The following RREB1 variants were observed in gnomAD, a reference collection of about 807,000 sequenced individuals.
RREB1 encodes ras responsive element binding protein 1, also known as ras-responsive element-binding protein 1.
RREB1 carries 27 observed loss-of-function variants against 117.8 expected under a neutral mutation model. The ratio of observed to expected loss-of-function variants is 0.23; its 90% CI spans 0.17 to 0.32. RREB1 has a LOEUF of 0.32. Ranked by LOEUF, RREB1 falls within the 10% of genes least tolerant of loss-of-function variation. The pLI is 1.00. For synonymous variants in RREB1, 1,298 were observed against 1,026.7 expected (o/e 1.26, Z -5.05); for missense variants, 2,577 against 2,378.2 (o/e 1.08, Z -1.74).
chr6:7,225,086 C>G (rs1464527322), intron 8 of RREB1, among the ~76,000 whole-genome samples: 1 of 152,178 alleles, frequency 6.6e-6, no homozygotes, highest in Non-Finnish European at 1.5e-5. Context: ...TGGCTGACTT[C>G]GTTATCTCTT....
chr6:7,170,934 GC>G (rs977006211), intron 1 of RREB1, among the ~76,000 whole-genome samples: 3 of 152,164 alleles, frequency 2.0e-5, no homozygotes, highest in African/African-American at 7.2e-5. Flanking sequence ...TGCTGTGCCA[GC>G]CCCCAGAGGG....
At chr6:7,232,983 C>T (rs1768095700) in intron 10 of RREB1, among the ~76,000 whole-genome samples, 1 of 152,136 alleles carries the variant, frequency 6.6e-6, no homozygotes, top group Admixed American at 6.5e-5. Flanking sequence ...CAACCTCTGC[C>T]TCCCTGGTTC....
At chr6:7,142,563 C>T (rs943225438) in intron 1 of RREB1, among the ~76,000 whole-genome samples, 7 of 152,262 alleles carry the variant, frequency 4.6e-5, no homozygotes, top group Non-Finnish European at 5.9e-5. Flanking sequence ...GCTGAGTGTG[C>T]CCTGCCTTAG....
At chr6:7,207,425 G>A (rs1457101031) in intron 6 of RREB1, among the ~76,000 whole-genome samples, 1 of 152,216 alleles carries the variant, frequency 6.6e-6, no homozygotes, top group Non-Finnish European at 1.5e-5. Flanking sequence ...AGTCTGGAAG[G>A]TGAAAAGATG....
At chr6:7,232,448 C>T (rs957679190) in intron 10 of RREB1, among the ~76,000 whole-genome samples, 1 of 152,210 alleles carries the variant, frequency 6.6e-6, no homozygotes, top group Non-Finnish European at 1.5e-5. Flanking sequence ...TTTCAGTTCA[C>T]TAAGGCAGTC....
Position 7,123,650 on chromosome 6 carries a change from G to A in RREB1, c.-285+15590G>A, listed in dbSNP as rs186788208. Among the ~76,000 whole-genome samples, 596 of 131,908 alleles carry A rather than the reference G, an allele frequency of 4.5e-3. 3 individuals carry two copies. The highest frequency in any genetic ancestry group is 0.015 in the African/African-American group (511 of 35,126). 86.5% of individuals were successfully genotyped at this position (131,908 alleles called of 152,430 possible). Reference sequence around the variant, plus strand: ...TTTTGAGATGGAGTCTTGCTCTGTCGCCCAGGCTGGGGTGCAGTGGCGTGA... The same window carrying A: ...TTTTGAGATGGAGTCTTGCTCTGTCACCCAGGCTGGGGTGCAGTGGCGTGA... On this transcript the variant is annotated intron_variant, in intron 1 of 12. Coordinates refer to ENST00000379938, the MANE Select transcript of RREB1 (RefSeq NM_001003699.4).
At chr6:7,109,790 G>A (rs1761046591) in intron 1 of RREB1, among the ~76,000 whole-genome samples, 1 of 152,170 alleles carries the variant, frequency 6.6e-6, no homozygotes. Context: ...ACACATTCGG[G>A]GCACTTTGGA....
At chr6:7,113,228 C>A (rs923788316) in intron 1 of RREB1, among the ~76,000 whole-genome samples, 3 of 152,148 alleles carry the variant, frequency 2.0e-5, no homozygotes, top group African/African-American at 7.2e-5. Flanking sequence ...AGAATGAAAA[C>A]CCCCACAGGC....
chr6:7,110,116 C>T (rs982795222), intron 1 of RREB1, among the ~76,000 whole-genome samples: 17 of 151,860 alleles, frequency 1.1e-4, no homozygotes, highest in Non-Finnish European at 7.4e-5. Context: ...ATTTTTTTTC[C>T]CCTTTATATA....
chr6:7,109,520 C>T (rs908065247), intron 1 of RREB1, among the ~76,000 whole-genome samples: 27 of 149,006 alleles, frequency 1.8e-4, no homozygotes, highest in African/African-American at 5.8e-4. Flanking sequence ...TCTCTCCGGG[C>T]GGGGCGGGGA....
chr6:7,114,703 G>A (rs1296157402), intron 1 of RREB1, among the ~76,000 whole-genome samples: 1 of 152,228 alleles, frequency 6.6e-6, no homozygotes. Context: ...CATAAAGCAA[G>A]TAAGCTCTTA....
chr6:7,126,310 C>A (rs1055969591), intron 1 of RREB1, among the ~76,000 whole-genome samples: 1 of 150,414 alleles, frequency 6.6e-6, no homozygotes, highest in African/African-American at 2.5e-5. Context: ...TCGATTCCCC[C>A]CCGACCCATT....
intron 10 of RREB1, among the ~76,000 whole-genome samples, chr6:7,236,220 T>A (rs547533432): frequency 1.1e-4 from 16 of 152,290 alleles, no homozygotes; most frequent in African/African-American, 3.9e-4. Flanking sequence ...TCTGTCCTCA[T>A]TTTCTTCCCC....
chr6:7,242,650 C>CG (rs554679835), intron 11 of RREB1, among the ~76,000 whole-genome samples: 37 of 150,246 alleles, frequency 2.5e-4, no homozygotes, highest in African/African-American at 7.1e-4. Flanking sequence ...GTTCCCCCCC[C>CG]CCAGTGAAGT....
chr6:7,186,960 G>A (rs560095235), intron 4 of RREB1, among the ~76,000 whole-genome samples: 155 of 152,292 alleles, frequency 1.0e-3, no homozygotes, highest in Middle Eastern at 3.4e-3. Flanking sequence ...CTCTTTGTAG[G>A]GTGGGCTCTT....
At chr6:7,200,983 C>T (rs553596835) in intron 6 of RREB1, among the ~76,000 whole-genome samples, 19 of 152,242 alleles carry the variant, frequency 1.2e-4, no homozygotes, top group South Asian at 2.1e-4. Flanking sequence ...TCAGTCTTAC[C>T]GGGTAAAACT....
At chr6:7,120,816 T>TA (rs1455194986) in intron 1 of RREB1, among the ~76,000 whole-genome samples, 90 of 142,610 alleles carry the variant, frequency 6.3e-4, no homozygotes, top group African/African-American at 2.3e-3. Context: ...TTGGCTAATT[T>TA]TTTTTTTTTT....
intron 1 of RREB1, among the ~76,000 whole-genome samples, chr6:7,153,381 T>A (rs1181384646): frequency 2.0e-5 from 3 of 149,518 alleles, no homozygotes; most frequent in Non-Finnish European, 4.4e-5. Context: ...TCCTCCCTAC[T>A]CAATTAAAGT....
chr6:7,234,594 GATATAA>G (rs1482977571), intron 10 of RREB1, among the ~76,000 whole-genome samples: 14 of 152,192 alleles, frequency 9.2e-5, no homozygotes, highest in African/African-American at 1.9e-4. Flanking sequence ...GGATGGGGTA[GATATAA>G]ATATAAACAT....
Sources: gnomAD v4.1 joint callset for allele counts (sites outside exome capture counted in the v4.1 genomes callset) on GRCh38, gnomAD v4.1.1 for gene constraint, MANE v1.5 for transcripts, NCBI Gene and HGNC (gene_info 2026-07-23, HGNC 2026-07-21) for gene names.